Variants in GRIK4 observed in about 807,000 individuals in gnomAD.
The protein encoded by GRIK4 is glutamate receptor ionotropic, kainate 4.
GRIK4 carries 40 observed loss-of-function variants against 104.9 expected under a neutral mutation model. That is an observed-to-expected ratio of 0.38 (90% confidence interval 0.30 to 0.50). GRIK4 has a LOEUF of 0.50. Ranked by LOEUF, GRIK4 falls within the 20% of genes least tolerant of loss-of-function variation. The pLI is 0.93. For missense variants in GRIK4, 1,047 were observed against 1,308.1 expected, an observed-to-expected ratio of 0.80 and a Z score of 3.08; for synonymous variants, 485 against 524.9, an observed-to-expected ratio of 0.92 and a Z score of 1.04.
intron 1 of GRIK4, among the ~76,000 whole-genome samples, chr11:120,544,684 C>T (rs564733488): frequency 3.0e-4 from 46 of 152,248 alleles, no homozygotes; most frequent in African/African-American, 1.0e-3. Context: ...CCTCCACCCC[C>T]TACCTTGTGA....
At chr11:120,876,364 C>CCACCACCACCACCATCACCAT (rs1954812595) in intron 11 of GRIK4, among the ~76,000 whole-genome samples, 1 of 612 alleles carries the variant, frequency 1.6e-3, no homozygotes, top group Non-Finnish European at 3.4e-3. Context: ...ACCCTCATCA[C>CCACCACCACCACCATCACCAT]TACCACTACC....
intron 1 of GRIK4, among the ~76,000 whole-genome samples, chr11:120,621,511 G>T (rs1465928996): frequency 6.6e-6 from 1 of 152,194 alleles, no homozygotes; most frequent in Non-Finnish European, 1.5e-5. Flanking sequence ...CTTCCCCAGA[G>T]CCCTGGCAGT....
chr11:120,552,373 G>A (rs2136096226), intron 1 of GRIK4, among the ~76,000 whole-genome samples: 1 of 152,348 alleles, frequency 6.6e-6, no homozygotes, highest in South Asian at 2.1e-4. Context: ...GGGATGGAGA[G>A]CAGAGGAAAA....
rs143487737 is a variant in GRIK4 at position 120,853,175 on chromosome 11, G to A, written c.745-8784G>A. ...GTAAAGGGGGCATGATTGAGTGGCC[G>A]CTTCTTCCAGGCTTGGGAGATGCAG... On this transcript the variant is annotated intron_variant, in intron 8 of 20. Coordinates refer to ENST00000527524, the MANE Select transcript of GRIK4 (RefSeq NM_014619.5). 3.3e-3 allele frequency among the ~76,000 whole-genome samples: 502 copies of A among 152,258 alleles called. 2 individuals are homozygous for A. Among genetic ancestry groups the A allele is most frequent in the African/African-American group, 0.012 (484 of 41,554 alleles).
intron 3 of GRIK4, among the ~76,000 whole-genome samples, chr11:120,711,032 C>T (rs2135353913): frequency 6.6e-6 from 1 of 151,416 alleles, no homozygotes; most frequent in Non-Finnish European, 1.5e-5. Context: ...GGGCCCTGCT[C>T]TCCCATTCCA....
At chr11:120,946,108 G>C (rs1943853442) in intron 14 of GRIK4, among the ~76,000 whole-genome samples, 1 of 152,216 alleles carries the variant, frequency 6.6e-6, no homozygotes, top group Non-Finnish European at 1.5e-5. Context: ...AAATATCTGT[G>C]TGAATGGAGG....
chr11:120,697,722 A>G (rs1591813652), intron 3 of GRIK4, among the ~76,000 whole-genome samples: 2 of 152,160 alleles, frequency 1.3e-5, no homozygotes, highest in Non-Finnish European at 2.9e-5. Flanking sequence ...GGTGGCTTTT[A>G]TGAAGGCATG....
intron 13 of GRIK4, among the ~76,000 whole-genome samples, chr11:120,928,479 A>G (rs1362894761): frequency 6.6e-6 from 1 of 152,172 alleles, no homozygotes; most frequent in African/African-American, 2.4e-5. Context: ...GTCGGGATTC[A>G]AACATGCATC....
intron 13 of GRIK4, among the ~76,000 whole-genome samples, chr11:120,929,035 G>C (rs28460582): frequency 6.1e-5 from 9 of 148,516 alleles, no homozygotes; most frequent in Admixed American, 3.4e-4. Context: ...GTGTGTGTGT[G>C]TGTGTGTCTG....
At chr11:120,892,667 C>G (rs541478333) in intron 11 of GRIK4, among the ~76,000 whole-genome samples, 2 of 152,080 alleles carry the variant, frequency 1.3e-5, no homozygotes, top group African/African-American at 4.8e-5. Context: ...AGTGCATTGC[C>G]GCAGAAGTGA....
chr11:120,809,929 G>T (rs1391050627), intron 4 of GRIK4, among the ~76,000 whole-genome samples: 1 of 152,144 alleles, frequency 6.6e-6, no homozygotes, highest in Non-Finnish European at 1.5e-5. Context: ...GCCAAGAATG[G>T]TGGCATGCAC....
At chr11:120,796,757 A>G (rs1475172315) in intron 3 of GRIK4, among the ~76,000 whole-genome samples, 2 of 151,916 alleles carry the variant, frequency 1.3e-5, no homozygotes, top group Non-Finnish European at 2.9e-5. Flanking sequence ...GCCTGAGGCC[A>G]TGCCAGAGAC....
rs564162240 is a variant in GRIK4 at position 120,748,868 on chromosome 11, G to C, written c.83-53825G>C. 2.0e-5 allele frequency among the ~76,000 whole-genome samples: 3 copies of C among 152,298 alleles called. No individual in the cohort carries two copies. In the South Asian group the frequency reaches 6.2e-4, roughly 32 times the overall value. ...GCCTTCCATCTGCCCAAGACCGTTA[G>C]GGAAATCTGCCTGTTGTTCCTGGGT... On this transcript the variant is annotated intron_variant, in intron 3 of 20. Transcript: ENST00000527524.
chr11:120,966,607 A>G lies in GRIK4; in HGVS notation c.2267-588A>G, dbSNP rs151311875. ...GGCTGGTCTTGAATTTCTTGCCTCA[A>G]GTGATCCGCCCATCTCAGCCTCCCA... is the stretch of plus-strand genomic sequence containing the variant. On this transcript the variant is annotated intron_variant, in intron 18 of 20. Transcript: ENST00000527524. 6.4e-4 allele frequency among the ~76,000 whole-genome samples: 98 copies of G among 152,286 alleles called. 1 individual carries two copies. In the East Asian group the frequency reaches 0.019, roughly 29 times the overall value.
At chr11:120,622,647 G>A (rs1949204208) in intron 1 of GRIK4, among the ~76,000 whole-genome samples, 1 of 152,208 alleles carries the variant, frequency 6.6e-6, no homozygotes. Flanking sequence ...ATGACCGGAA[G>A]CCAAGTGGCT....
intron 8 of GRIK4, among the ~76,000 whole-genome samples, chr11:120,849,163 GCA>G (rs143931502): frequency 2.0e-4 from 30 of 149,848 alleles, no homozygotes; most frequent in East Asian, 7.8e-4. Flanking sequence ...CCCAACGCGC[GCA>G]CACACACACA....
chr11:120,588,755 T>C (rs1266998765), intron 1 of GRIK4, among the ~76,000 whole-genome samples: 1 of 152,152 alleles, frequency 6.6e-6, no homozygotes, highest in African/African-American at 2.4e-5. Flanking sequence ...CTAGGGTGTT[T>C]GGCAGTCTCC....
intron 3 of GRIK4, among the ~76,000 whole-genome samples, chr11:120,712,587 A>G (rs954458630): frequency 2.0e-5 from 3 of 152,046 alleles, no homozygotes; most frequent in African/African-American, 7.2e-5. Flanking sequence ...CAGGAGTTCA[A>G]GAACAGCCTG....
At chr11:120,895,896 G>A (rs1475575508) in intron 11 of GRIK4, among the ~76,000 whole-genome samples, 2 of 152,200 alleles carry the variant, frequency 1.3e-5, no homozygotes, top group African/African-American at 4.8e-5. Flanking sequence ...CACCCATGCA[G>A]AGAGGAGGAG....
Sources: gnomAD v4.1 joint callset for allele counts (sites outside exome capture counted in the v4.1 genomes callset) on GRCh38, gnomAD v4.1.1 for gene constraint, MANE v1.5 for transcripts, NCBI Gene and HGNC (gene_info 2026-07-23, HGNC 2026-07-21) for gene names.